MSI2: variants seen among roughly 807,000 people sequenced by gnomAD.
MSI2 encodes the protein RNA-binding protein Musashi homolog 2.
In MSI2, 17 loss-of-function variants were observed where a neutral mutation model predicts 45.6. That is an observed-to-expected ratio of 0.37 (90% CI 0.26 to 0.56). MSI2 has a LOEUF of 0.56. Ranked by LOEUF, MSI2 falls within the 20% of genes least tolerant of loss-of-function variation. The pLI is 0.77. For missense variants in MSI2, 293 were observed against 444.2 expected (o/e 0.66, Z 3.06); for synonymous variants, 156 against 158.2 (o/e 0.99, Z 0.11).
chr17:57,578,617 T>C (rs2088116191), intron 7 of MSI2, among the ~76,000 whole-genome samples: 1 of 152,064 alleles, frequency 6.6e-6, no homozygotes, highest in Admixed American at 6.6e-5. Context: ...TGACAAATAC[T>C]TGCTTCTAGC....
chr17:57,324,145 G>A (rs564101883), intron 5 of MSI2, among the ~76,000 whole-genome samples: 9 of 152,318 alleles, frequency 5.9e-5, no homozygotes, highest in Admixed American at 2.0e-4. Flanking sequence ...ATGTCTGTAC[G>A]AGAAATTAAA....
chr17:57,372,063 T>TA (rs1257109871), intron 5 of MSI2, among the ~76,000 whole-genome samples: 1 of 151,918 alleles, frequency 6.6e-6, no homozygotes, highest in African/African-American at 2.4e-5. Context: ...TAACTTAATT[T>TA]AAAAAAAATT....
At chr17:57,324,491 A>G (rs1435686268) in intron 5 of MSI2, among the ~76,000 whole-genome samples, 1 of 150,918 alleles carries the variant, frequency 6.6e-6, no homozygotes, top group Non-Finnish European at 1.5e-5. Flanking sequence ...AGCAGGTAAG[A>G]TGGGGAAAAG....
intron 5 of MSI2, among the ~76,000 whole-genome samples, chr17:57,356,699 T>C (rs1916447266): frequency 6.6e-6 from 1 of 152,226 alleles, no homozygotes; most frequent in African/African-American, 2.4e-5. Flanking sequence ...TATGCCTAAA[T>C]CATTTTCCAT....
At chr17:57,420,129 C>T (rs2084368220) in intron 6 of MSI2, among the ~76,000 whole-genome samples, 1 of 152,176 alleles carries the variant, frequency 6.6e-6, no homozygotes, top group Non-Finnish European at 1.5e-5. Context: ...TGTTGACTGC[C>T]CTCTGCTGAA....
intron 6 of MSI2, among the ~76,000 whole-genome samples, chr17:57,408,316 C>G (rs1205187194): frequency 6.6e-6 from 1 of 152,178 alleles, no homozygotes; most frequent in African/African-American, 2.4e-5. Context: ...TGCTCGTTAA[C>G]AGTGTTTTAA....
rs994191935 is a variant in MSI2 at position 57,682,323 on chromosome 17, C to G, written c.*2806C>G. 1.3e-5 allele frequency: 2 copies of G among 158,412 alleles called. No individual in the cohort carries two copies. The highest frequency in any genetic ancestry group is 2.5e-5 in the African/African-American group (1 of 39,464). 9.8% of individuals were successfully genotyped at this position (158,412 alleles called of 1,614,324 possible). ...CTCTACGGCGTTTTGTAGATCCCCC[C>G]CCCCCCACCCACTGTGAAGGGGTGC... On this transcript the variant is annotated 3_prime_UTR_variant, in exon 14 of 14. Transcript: ENST00000284073.
intron 5 of MSI2, among the ~76,000 whole-genome samples, chr17:57,359,452 C>T (rs572707995): frequency 7.7e-4 from 117 of 152,222 alleles, no homozygotes; most frequent in African/African-American, 2.7e-3. Context: ...TTCTGGGGGG[C>T]GGACTTACCT....
In MSI2 at chr17:57,285,315, C is replaced by A. The variant is rs1051222392; in HGVS notation, c.312+23123C>A. On this transcript the variant is annotated intron_variant, in intron 5 of 13. Coordinates refer to ENST00000284073, the MANE Select transcript of MSI2 (RefSeq NM_138962.4). ...CCTTTTTGTTTTCTTTTGCCGACTTCTTCCAATAGCTTAGAGCAAATAGAT... is the reference window on the plus strand; with the variant it reads ...CCTTTTTGTTTTCTTTTGCCGACTTATTCCAATAGCTTAGAGCAAATAGAT... 2.6e-5 allele frequency among the ~76,000 whole-genome samples: 4 copies of A among 152,182 alleles called. No individual in the cohort carries two copies. The South Asian group carries it at 6.2e-4, about 24-fold the overall frequency.
intron 10 of MSI2, among the ~76,000 whole-genome samples, chr17:57,638,777 C>G (rs1910029792): frequency 6.6e-6 from 1 of 152,010 alleles, no homozygotes; most frequent in Admixed American, 6.6e-5. Context: ...GGGCACACAC[C>G]TGAAATCCCA....
chr17:57,497,268 C>T (rs994079719), intron 6 of MSI2, among the ~76,000 whole-genome samples: 8 of 152,316 alleles, frequency 5.3e-5, no homozygotes, highest in South Asian at 2.1e-4. Flanking sequence ...TGAGCCACTG[C>T]ACCCAGCCTA....
chr17:57,582,307 T>G (rs935335633), intron 7 of MSI2, among the ~76,000 whole-genome samples: 1 of 152,146 alleles, frequency 6.6e-6, no homozygotes, highest in Non-Finnish European at 1.5e-5. Flanking sequence ...CCCCCCAATA[T>G]ATCTTACCTG....
intron 6 of MSI2, among the ~76,000 whole-genome samples, chr17:57,455,851 C>T (rs1486621302): frequency 2.0e-5 from 3 of 152,208 alleles, no homozygotes; most frequent in Non-Finnish European, 4.4e-5. Context: ...GCAGCACGCA[C>T]ACAGGCACAG....
chr17:57,392,769 G>C (rs1473459706), intron 5 of MSI2, among the ~76,000 whole-genome samples: 1 of 152,144 alleles, frequency 6.6e-6, no homozygotes, highest in Non-Finnish European at 1.5e-5. Context: ...AGACGAAGCG[G>C]TGGGAATGGT....
intron 6 of MSI2, among the ~76,000 whole-genome samples, chr17:57,445,352 C>T (rs1310081216): frequency 6.6e-6 from 1 of 152,186 alleles, no homozygotes; most frequent in Non-Finnish European, 1.5e-5. Context: ...AGATGCTGAG[C>T]TGTCCGATGC....
At chr17:57,291,011 A>G (rs955752339) in intron 5 of MSI2, among the ~76,000 whole-genome samples, 22 of 152,178 alleles carry the variant, frequency 1.4e-4, no homozygotes, top group Admixed American at 3.3e-4. Context: ...GCTGCACCCC[A>G]TCGTTAGGAC....
intron 5 of MSI2, among the ~76,000 whole-genome samples, chr17:57,380,883 C>T (rs2083586804): frequency 6.6e-6 from 1 of 152,168 alleles, no homozygotes; most frequent in African/African-American, 2.4e-5. Flanking sequence ...ATCCTTCTGG[C>T]TTTCTCTCTG....
At chr17:57,455,145 T>G (rs2085088715) in intron 6 of MSI2, among the ~76,000 whole-genome samples, 1 of 152,198 alleles carries the variant, frequency 6.6e-6, no homozygotes, top group African/African-American at 2.4e-5. Context: ...CATGTGGCTC[T>G]GGGGCTTGTA....
At chr17:57,354,338 G>T (rs550887603) in intron 5 of MSI2, among the ~76,000 whole-genome samples, 1 of 152,114 alleles carries the variant, frequency 6.6e-6, no homozygotes, top group South Asian at 2.1e-4. Context: ...TTGAATGGCT[G>T]GGAAGGTGTT....
Sources: gnomAD v4.1 joint callset for allele counts (sites outside exome capture counted in the v4.1 genomes callset) on GRCh38, gnomAD v4.1.1 for gene constraint, MANE v1.5 for transcripts, NCBI Gene and HGNC (gene_info 2026-07-23, HGNC 2026-07-21) for gene names.